CDH26: variants seen among roughly 807,000 people sequenced by gnomAD.
CDH26 encodes cadherin 26, also known as cadherin-like protein 26.
CDH26 carries 83 observed loss-of-function variants against 90.3 expected under a neutral mutation model. The ratio of observed to expected loss-of-function variants is 0.92; its 90% CI spans 0.77 to 1.10. CDH26 has a LOEUF of 1.10. Among genes scored for constraint, CDH26 ranks in the 50% least tolerant of loss-of-function variants. CDH26 has a pLI of 0.00. For synonymous variants in CDH26, 397 were observed against 396.3 expected (o/e 1.00, Z -0.02); for missense variants, 1,013 against 1,037.6 (o/e 0.98, Z 0.33).
chr20:60,033,866 G>A (rs575642251), exon 9 of CDH26: 1 of 763,188 alleles, frequency 1.3e-6, no homozygotes, highest in Admixed American at 4.9e-5. Flanking sequence ...TCTGCAAACT[G>A]TGGATGGCAG....
chr20:59,988,118 T>C (rs2061481295), intron 8 of CDH26, among the ~76,000 whole-genome samples: 1 of 152,190 alleles, frequency 6.6e-6, no homozygotes, highest in Non-Finnish European at 1.5e-5. Flanking sequence ...ATGGAGAAGC[T>C]GGCCTGGAAG....
At chr20:59,988,385 C>T (rs1033506514) in intron 8 of CDH26, among the ~76,000 whole-genome samples, 4 of 152,192 alleles carry the variant, frequency 2.6e-5, no homozygotes, top group Admixed American at 1.3e-4. Flanking sequence ...GCCCAAGATT[C>T]GCCTGCCCAT....
intron 16 of CDH26, 108 bp downstream of exon 16, chr20:60,002,974 A>G (rs2061696129): frequency 2.8e-6 from 2 of 701,888 alleles, no homozygotes; most frequent in African/African-American, 3.7e-5. Context: ...AGGTGATAAA[A>G]AAAAATATGC....
At chr20:60,031,270 A>G (rs1373423060) in exon 8 of CDH26, 3 of 1,266,486 alleles carry the variant, frequency 2.4e-6, no homozygotes, top group East Asian at 6.1e-5. Context: ...CAGGGGCTGC[A>G]TCATCCCCCA....
intron 1 of CDH26, among the ~76,000 whole-genome samples, chr20:59,959,283 A>G (rs1043187959): frequency 7.2e-5 from 11 of 152,076 alleles, no homozygotes; most frequent in African/African-American, 2.7e-4. Flanking sequence ...TATTTTTTAT[A>G]GAGATGGATT....
chr20:59,968,984 T>C lies in CDH26; in HGVS notation c.87T>C (p.Ser29=). 1.3e-6 allele frequency: 2 copies of C among 1,579,882 alleles called. No homozygotes were observed. The highest frequency in any genetic ancestry group is 2.2e-5 in the East Asian group (1 of 44,680). The change falls in exon 2 of 18, where the codon AGT becomes AGC. Residue 29 remains serine, a synonymous_variant. Coordinates refer to ENST00000348616, the MANE Select transcript of CDH26 (RefSeq NM_177980.4). ...TTTTTAAGGTCAGTATCATTGACAG[T>C]GTTCAACAGGAAACAGATGATCTTA... is the stretch of plus-strand genomic sequence containing the variant. ...LWLLQVSIID[S]VQQETDDLTK...
At chr20:59,987,263 G>A (rs2061470556) in intron 7 of CDH26, among the ~76,000 whole-genome samples, 190 bp from the exon 8 acceptor site, 1 of 152,216 alleles carries the variant, frequency 6.6e-6, no homozygotes, top group Non-Finnish European at 1.5e-5. Flanking sequence ...TGCTGTAACA[G>A]ACGGAGTTGC....
intron 7 of CDH26, among the ~76,000 whole-genome samples, chr20:60,027,306 T>C (rs1014256694): frequency 6.6e-6 from 1 of 152,192 alleles, no homozygotes; most frequent in Non-Finnish European, 1.5e-5. Flanking sequence ...TTTCCCTCGA[T>C]ATAGAAAAGT....
At chr20:59,960,020 T>G (rs1480778516) in intron 1 of CDH26, among the ~76,000 whole-genome samples, 3 of 152,186 alleles carry the variant, frequency 2.0e-5, no homozygotes, top group Non-Finnish European at 4.4e-5. Flanking sequence ...AGCAGCCCAG[T>G]GGCTGGTAAC....
chr20:60,020,867 T>C (rs2061946358), intron 7 of CDH26, among the ~76,000 whole-genome samples: 1 of 152,182 alleles, frequency 6.6e-6, no homozygotes, highest in Admixed American at 6.5e-5. Context: ...ATGTAAGGAC[T>C]GTAGGTGTTT....
At chr20:60,002,891 G>A (rs145483378) in intron 16 of CDH26, 25 bp downstream of exon 16, 19 of 1,499,048 alleles carry the variant, frequency 1.3e-5, no homozygotes, top group South Asian at 2.8e-5. Context: ...AGGTGTTACC[G>A]TGAACAAATT....
At chr20:59,977,577 A>G (rs2061341923) in intron 4 of CDH26, among the ~76,000 whole-genome samples, 1 of 130,930 alleles carries the variant, frequency 7.6e-6, no homozygotes, top group Non-Finnish European at 1.5e-5. Flanking sequence ...TAGGGACATC[A>G]TTTTTTCAAA....
At chr20:60,033,415 A>G (rs1396526528) in intron 8 of CDH26, 17 of 1,265,768 alleles carry the variant, frequency 1.3e-5, no homozygotes, top group South Asian at 5.4e-5. Flanking sequence ...TGCTTAGTGA[A>G]TGCTAAGCCT....
At chr20:59,974,364 G>A (rs980467113) in intron 4 of CDH26, among the ~76,000 whole-genome samples, 1 of 152,164 alleles carries the variant, frequency 6.6e-6, no homozygotes, top group African/African-American at 2.4e-5. Flanking sequence ...TGTGAACGAT[G>A]CTTTTAACAT....
At chr20:59,966,998 T>A (rs1023234174) in intron 1 of CDH26, among the ~76,000 whole-genome samples, 4 of 146,488 alleles carry the variant, frequency 2.7e-5, no homozygotes, top group African/African-American at 8.1e-5. Context: ...AAAAAAAAAA[T>A]AATAATGTTA....
At chr20:60,027,131 C>G (rs955924341) in intron 7 of CDH26, among the ~76,000 whole-genome samples, 1 of 152,064 alleles carries the variant, frequency 6.6e-6, no homozygotes, top group African/African-American at 2.4e-5. Context: ...GGGTTATGGT[C>G]TTGGGCAGAG....
At chr20:60,002,523 G>A (rs555400353) in intron 15 of CDH26, among the ~76,000 whole-genome samples, 3 of 152,176 alleles carry the variant, frequency 2.0e-5, no homozygotes, top group African/African-American at 7.2e-5. Context: ...CCTAGGAGTG[G>A]ATGTGTGTCA....
chr20:59,982,783 G>T (rs2061409389), intron 4 of CDH26, 140 bp from the exon 5 acceptor site: 3 of 905,666 alleles, frequency 3.3e-6, no homozygotes, highest in Non-Finnish European at 5.1e-6. Context: ...GGTAAATGAG[G>T]GCAGTCTGAT....
At position 59,982,308 on chromosome 20, in the gene CDH26, G is replaced by A. The variant is rs528847627; in HGVS notation, c.394-615G>A. 3.8e-4 allele frequency among the ~76,000 whole-genome samples: 58 copies of A among 152,222 alleles called. No homozygotes were observed. In the South Asian group the frequency reaches 0.012, roughly 32 times the overall value. ...GCTCTTACCTTTACTATTGCTTTCT[G>A]TTTGTTTGGATTTATTATGATGTCT... On this transcript the variant is annotated intron_variant, in intron 4 of 17. Transcript: ENST00000348616.
Sources: gnomAD v4.1 joint callset for allele counts (sites outside exome capture counted in the v4.1 genomes callset) on GRCh38, gnomAD v4.1.1 for gene constraint, MANE v1.5 for transcripts, NCBI Gene and HGNC (gene_info 2026-07-23, HGNC 2026-07-21) for gene names.